ZNF804A: variants seen among roughly 807,000 people sequenced by gnomAD.
ZNF804A encodes the protein zinc finger protein 804A.
In ZNF804A, 2 loss-of-function variants were observed where a neutral mutation model predicts 16.5. That is an observed-to-expected ratio of 0.12 (90% CI 0.05 to 0.38). The LOEUF (loss-of-function observed/expected upper bound fraction) is 0.38, where lower values mean the gene tolerates loss of function less well. Among genes scored for constraint, ZNF804A ranks in the 10% least tolerant of loss-of-function variants. The pLI, the probability that ZNF804A is intolerant of heterozygous loss-of-function variation, is 0.99. For synonymous variants in ZNF804A, 534 were observed against 489.6 expected, an observed-to-expected ratio of 1.09 and a Z score of -1.20; for missense variants, 1,473 against 1,390.7, an observed-to-expected ratio of 1.06 and a Z score of -0.94.
chr2:184,658,799 T>C (rs1342304090), intron 1 of ZNF804A, among the ~76,000 whole-genome samples: 1 of 152,182 alleles, frequency 6.6e-6, no homozygotes, highest in Non-Finnish European at 1.5e-5. Context: ...TCAGGTTATG[T>C]TTCAGGCAAA....
At chr2:184,757,621 G>A (rs1056545070) in intron 1 of ZNF804A, among the ~76,000 whole-genome samples, 3 of 151,904 alleles carry the variant, frequency 2.0e-5, no homozygotes, top group African/African-American at 7.2e-5. Flanking sequence ...GCAATCAAAT[G>A]ATTTGAAAGT....
chr2:184,606,832 TACAC>T (rs10645645), intron 1 of ZNF804A, among the ~76,000 whole-genome samples: 119 of 149,426 alleles, frequency 8.0e-4, no homozygotes, highest in Non-Finnish European at 1.2e-3. Flanking sequence ...TAGGTGTGTC[TACAC>T]ACACACACAC....
chr2:184,907,256 C>G (rs1207322527), intron 2 of ZNF804A, among the ~76,000 whole-genome samples: 3 of 151,834 alleles, frequency 2.0e-5, no homozygotes, highest in South Asian at 2.1e-4. Context: ...AGCACATTCT[C>G]TCACCATCCT....
intron 1 of ZNF804A, among the ~76,000 whole-genome samples, chr2:184,824,067 G>C (rs75965110): frequency 2.0e-5 from 3 of 151,734 alleles, no homozygotes; most frequent in Non-Finnish European, 4.4e-5. Context: ...CAATAGATAC[G>C]CCCGGAATGT....
intron 1 of ZNF804A, among the ~76,000 whole-genome samples, chr2:184,710,594 T>G (rs956408512): frequency 2.0e-5 from 3 of 151,796 alleles, no homozygotes; most frequent in Non-Finnish European, 4.4e-5. Context: ...AGCACAGTGT[T>G]GCATAACAGG....
intron 1 of ZNF804A, among the ~76,000 whole-genome samples, chr2:184,755,062 G>A (rs1303996187): frequency 6.6e-6 from 1 of 151,766 alleles, no homozygotes; most frequent in Non-Finnish European, 1.5e-5. Context: ...GATTTGCGTG[G>A]GGACAAAGAG....
intron 1 of ZNF804A, among the ~76,000 whole-genome samples, chr2:184,788,669 T>G (rs562975265): frequency 3.8e-4 from 58 of 152,206 alleles, no homozygotes; most frequent in African/African-American, 1.3e-3. Context: ...CTATTAATGT[T>G]TGTACACTGA....
chr2:184,904,914 T>C (rs1474984835), intron 2 of ZNF804A, among the ~76,000 whole-genome samples: 1 of 152,166 alleles, frequency 6.6e-6, no homozygotes, highest in East Asian at 1.9e-4. Context: ...TACCCATTTA[T>C]ATGAAAGATA....
At chr2:184,659,149 C>T (rs1403988378) in intron 1 of ZNF804A, among the ~76,000 whole-genome samples, 1 of 152,060 alleles carries the variant, frequency 6.6e-6, no homozygotes, top group African/African-American at 2.4e-5. Context: ...TTTTCTGGTT[C>T]GTCTTGAGTT....
intron 1 of ZNF804A, among the ~76,000 whole-genome samples, chr2:184,808,996 T>G (rs1694852346): frequency 6.6e-6 from 1 of 151,814 alleles, no homozygotes; most frequent in African/African-American, 2.4e-5. Context: ...CTCCTCTTTA[T>G]AAATCCAGTC....
Position 184,935,827 on chromosome 2 carries a change from T to C in ZNF804A, c.431T>C (p.Val144Ala). Residue 144 changes from valine (V) to alanine (A), a missense_variant, in exon 4 of 4, where the codon GTG (valine) becomes GCG (alanine). Val to Ala is a moderately conservative substitution (Grantham distance 64). Transcript: ENST00000302277. ...ATGTTCAAATCAACAACTGTTACTGTGAGAGAAAACTGTAATGAAATTTCC... is the reference window on the plus strand; with the variant it reads ...ATGTTCAAATCAACAACTGTTACTGCGAGAGAAAACTGTAATGAAATTTCC... Reference protein sequence around the residue: ...GPMFKSTTVTVRENCNEISQR... With the variant: ...GPMFKSTTVTARENCNEISQR... 1 of 1,613,028 alleles carries C rather than the reference T, an allele frequency of 6.2e-7. No individual in the cohort carries two copies. Among genetic ancestry groups the C allele is most frequent in the Non-Finnish European group, 8.5e-7 (1 of 1,179,484 alleles).
At chr2:184,932,840 T>G (rs1261637887) in intron 2 of ZNF804A, among the ~76,000 whole-genome samples, 1 of 152,146 alleles carries the variant, frequency 6.6e-6, no homozygotes, top group Admixed American at 6.5e-5. Context: ...TGGCATGCTG[T>G]TTTTCTTGCC....
intron 2 of ZNF804A, among the ~76,000 whole-genome samples, chr2:184,880,852 G>A (rs1684799341): frequency 6.6e-6 from 1 of 151,986 alleles, no homozygotes; most frequent in Non-Finnish European, 1.5e-5. Flanking sequence ...ACCTATGAAG[G>A]CAGAAGCCCT....
At chr2:184,742,738 A>G (rs1419348328) in intron 1 of ZNF804A, among the ~76,000 whole-genome samples, 1 of 151,564 alleles carries the variant, frequency 6.6e-6, no homozygotes, top group Non-Finnish European at 1.5e-5. Flanking sequence ...ATAAATATAT[A>G]TATATACATA....
intron 1 of ZNF804A, among the ~76,000 whole-genome samples, chr2:184,811,542 A>G (rs989052958): frequency 5.3e-5 from 8 of 152,156 alleles, no homozygotes. Context: ...TAGTACCAGC[A>G]TTGGGATAGA....
chr2:184,806,027 T>C (rs1387076406), intron 1 of ZNF804A, among the ~76,000 whole-genome samples: 1 of 151,924 alleles, frequency 6.6e-6, no homozygotes, highest in Non-Finnish European at 1.5e-5. Flanking sequence ...CAAACAAACA[T>C]AGAAGACAAA....
intron 1 of ZNF804A, among the ~76,000 whole-genome samples, chr2:184,809,328 A>T (rs1179448502): frequency 3.3e-5 from 5 of 151,870 alleles, no homozygotes. Context: ...AGAATGAATG[A>T]GTAGGAGAAA....
chr2:184,886,452 CT>C, intron 2 of ZNF804A, among the ~76,000 whole-genome samples: 1 of 152,288 alleles, frequency 6.6e-6, no homozygotes, highest in East Asian at 1.9e-4. Context: ...GATGGTGGCC[CT>C]CCTCTCACAG....
At chr2:184,770,498 A>T (rs1184359263) in intron 1 of ZNF804A, among the ~76,000 whole-genome samples, 1 of 152,072 alleles carries the variant, frequency 6.6e-6, no homozygotes, top group African/African-American at 2.4e-5. Flanking sequence ...GAAGGGACTG[A>T]CTACCTATGT....
Sources: allele counts gnomAD v4.1 joint callset (sites outside exome capture counted in the v4.1 genomes callset), GRCh38; gene constraint gnomAD v4.1.1; transcripts MANE v1.5; gene names NCBI Gene and HGNC (gene_info 2026-07-23, HGNC 2026-07-21).